OTUD7A: variants seen among roughly 807,000 people sequenced by gnomAD.
The protein encoded by OTUD7A is OTU deubiquitinase 7A, also known as OTU domain-containing protein 7A.
Under a neutral mutation model 65.7 loss-of-function variants are expected in OTUD7A, and 12 were observed. That is an observed-to-expected ratio of 0.18 (90% confidence interval 0.12 to 0.30). The LOEUF is 0.30. OTUD7A is among the 10% of genes least tolerant of loss of function. The pLI, the probability that OTUD7A is intolerant of heterozygous loss-of-function variation, is 1.00. For missense variants in OTUD7A, 1,148 were observed against 1,304.8 expected, an observed-to-expected ratio of 0.88 and a Z score of 1.85; for synonymous variants, 641 against 586.3, an observed-to-expected ratio of 1.09 and a Z score of -1.35.
At chr15:31,737,688 T>G (rs1894229074) in intron 1 of OTUD7A, among the ~76,000 whole-genome samples, 1 of 152,180 alleles carries the variant, frequency 6.6e-6, no homozygotes, top group African/African-American at 2.4e-5. Context: ...ATAAAGAATT[T>G]TTGAAGTGGC....
intron 1 of OTUD7A, among the ~76,000 whole-genome samples, chr15:31,850,704 C>A (rs1897403506): frequency 6.6e-6 from 1 of 152,078 alleles, no homozygotes; most frequent in African/African-American, 2.4e-5. Context: ...GGACAATGCA[C>A]CAATAAAGGG....
chr15:31,760,928 G>GT (rs1028963415), intron 1 of OTUD7A, among the ~76,000 whole-genome samples: 22 of 151,694 alleles, frequency 1.5e-4, no homozygotes, highest in African/African-American at 5.3e-4. Context: ...GGGTTTTTTT[G>GT]TTTTTTTGTT....
At chr15:31,586,185 G>A (rs1209029233) in intron 3 of OTUD7A, among the ~76,000 whole-genome samples, 1 of 152,180 alleles carries the variant, frequency 6.6e-6, no homozygotes, top group African/African-American at 2.4e-5. Context: ...ACCAAAGAAG[G>A]GAAATGCAGG....
At chr15:31,533,213 G>A (rs866717754) in intron 5 of OTUD7A, among the ~76,000 whole-genome samples, 2 of 151,622 alleles carry the variant, frequency 1.3e-5, no homozygotes, top group South Asian at 4.2e-4. Context: ...CTACCGTGTA[G>A]GCCAGAAGGA....
chr15:31,838,544 G>A (rs1234992169), intron 1 of OTUD7A, among the ~76,000 whole-genome samples: 1 of 152,122 alleles, frequency 6.6e-6, no homozygotes, highest in Non-Finnish European at 1.5e-5. Context: ...CAGGAAGCCT[G>A]CAGAACCACC....
In OTUD7A at chr15:31,648,506, T is replaced by G. The variant is rs147094985; in HGVS notation, c.151+6590A>C. 3.1e-3 allele frequency among the ~76,000 whole-genome samples: 470 copies of G among 152,262 alleles called. 1 individual carries two copies. The highest frequency in any genetic ancestry group is 0.01 in the Middle Eastern group (3 of 294). On this transcript the variant is annotated intron_variant, in intron 3 of 12. Coordinates refer to ENST00000307050, the MANE Select transcript of OTUD7A (RefSeq NM_001382637.1). ...TGGACCACCACTCTTTGTTCTAAAT[T>G]TCTTCCTGAGGGGCCTGGAGGAAGT...
chr15:31,823,052 C>T (rs190158200), intron 1 of OTUD7A, among the ~76,000 whole-genome samples: 1 of 152,328 alleles, frequency 6.6e-6, no homozygotes, highest in East Asian at 1.9e-4. Context: ...AAAGGATGTT[C>T]CAGCTACATG....
intron 1 of OTUD7A, among the ~76,000 whole-genome samples, chr15:31,792,111 C>A (rs530852850): frequency 1.3e-5 from 2 of 152,322 alleles, no homozygotes; most frequent in African/African-American, 4.8e-5. Flanking sequence ...CTCCGCATTT[C>A]TCGTCCGCTC....
chr15:31,659,612 C>T (rs906988621), intron 1 of OTUD7A, among the ~76,000 whole-genome samples: 1 of 151,892 alleles, frequency 6.6e-6, no homozygotes, highest in Non-Finnish European at 1.5e-5. Context: ...ACCATTTTTC[C>T]TTTGCCCCTG....
intron 1 of OTUD7A, among the ~76,000 whole-genome samples, chr15:31,855,642 C>T (rs1283114904): frequency 6.6e-6 from 1 of 152,040 alleles, no homozygotes; most frequent in African/African-American, 2.4e-5. Flanking sequence ...AAGAGATGAC[C>T]CATGTTATGT....
chr15:31,800,661 T>G (rs532022586), intron 1 of OTUD7A, among the ~76,000 whole-genome samples: 83 of 152,318 alleles, frequency 5.4e-4, no homozygotes, highest in African/African-American at 1.9e-3. Context: ...CCTCCCATTC[T>G]TAGGCCCCTC....
chr15:31,783,488 T>C (rs770754138), intron 1 of OTUD7A, among the ~76,000 whole-genome samples: 1 of 152,258 alleles, frequency 6.6e-6, no homozygotes, highest in Non-Finnish European at 1.5e-5. Flanking sequence ...GTAGTCTTCA[T>C]ATTCTTCACC....
Position 31,559,165 on chromosome 15 carries a change from A to G in OTUD7A, c.354T>C (p.Ile118=), listed in dbSNP as rs1327409193. 6.2e-6 allele frequency: 10 copies of G among 1,613,546 alleles called. No homozygotes were observed. The highest frequency in any genetic ancestry group is 8.5e-6 in the Non-Finnish European group (10 of 1,179,596). ...IAQEKRLSRG[I]SHASSAIVSL... ...AGACGATGGCTGAGCTGGCGTGGGA[A>G]ATCCCCCGGGAAAGCCGCTTTTCTG... The change falls in exon 5 of 13, where the codon ATT becomes ATC. Residue 118 remains isoleucine (I), a synonymous_variant. Coordinates refer to ENST00000307050, the MANE Select transcript of OTUD7A (RefSeq NM_001382637.1).
chr15:31,808,113 AC>A (rs1896319805), intron 1 of OTUD7A, among the ~76,000 whole-genome samples: 1 of 106,250 alleles, frequency 9.4e-6, no homozygotes, highest in African/African-American at 3.1e-5. Context: ...ACACACACAC[AC>A]ACACACACAC....
At chr15:31,791,389 G>A (rs1471612985) in intron 1 of OTUD7A, among the ~76,000 whole-genome samples, 1 of 152,130 alleles carries the variant, frequency 6.6e-6, no homozygotes, top group Non-Finnish European at 1.5e-5. Flanking sequence ...AATATAAGAA[G>A]TGGGTTGATG....
At chr15:31,859,466 G>C (rs1897663767) in intron 1 of OTUD7A, among the ~76,000 whole-genome samples, 1 of 152,212 alleles carries the variant, frequency 6.6e-6, no homozygotes, top group Admixed American at 6.5e-5. Context: ...TCAGTTAAGT[G>C]ATATAAAATT....
chr15:31,574,731 C>T (rs567559729), intron 3 of OTUD7A, among the ~76,000 whole-genome samples: 5 of 152,330 alleles, frequency 3.3e-5, no homozygotes, highest in African/African-American at 7.2e-5. Context: ...GAAGCTGCAT[C>T]TCCTTGGGCT....
At chr15:31,815,426 TG>T (rs1167108098) in intron 1 of OTUD7A, among the ~76,000 whole-genome samples, 1 of 152,200 alleles carries the variant, frequency 6.6e-6, no homozygotes, top group Non-Finnish European at 1.5e-5. Context: ...CCCTCAAGGG[TG>T]GCTGGGGTGA....
At chr15:31,538,871 C>T (rs1327703388) in intron 5 of OTUD7A, among the ~76,000 whole-genome samples, 1 of 152,168 alleles carries the variant, frequency 6.6e-6, no homozygotes, top group African/African-American at 2.4e-5. Context: ...CTCATTCCTT[C>T]CTCCCTCGCT....
Sources: gnomAD v4.1 joint callset for allele counts (sites outside exome capture counted in the v4.1 genomes callset) on GRCh38, gnomAD v4.1.1 for gene constraint, MANE v1.5 for transcripts, NCBI Gene and HGNC (gene_info 2026-07-23, HGNC 2026-07-21) for gene names.